SH3BGRL2: variants seen among roughly 807,000 people sequenced by gnomAD.
SH3BGRL2 encodes the protein SH3 domain binding glutamate rich protein like 2, also known as SH3 domain-binding glutamic acid-rich-like protein 2.
A neutral mutation model predicts 14.8 loss-of-function variants in SH3BGRL2; 21 were observed. The observed-to-expected ratio is 1.42, with a 90% confidence interval of 1.01 to 2.05. The LOEUF (loss-of-function observed/expected upper bound fraction) is 2.05, where lower values mean the gene tolerates loss of function less well. SH3BGRL2 is among the 30% of genes most tolerant of loss of function. The probability of loss-of-function intolerance (pLI) is 0.00; values close to 1 mark genes in which losing one functional copy is unlikely to be tolerated. For synonymous variants in SH3BGRL2, 50 were observed against 47.8 expected (o/e 1.05, Z -0.19); for missense variants, 147 against 130.8 (o/e 1.12, Z -0.61).
At chr6:79,670,417 A>G (rs1769749578) in intron 1 of SH3BGRL2, among the ~76,000 whole-genome samples, 1 of 152,204 alleles carries the variant, frequency 6.6e-6, no homozygotes, top group Non-Finnish European at 1.5e-5. Context: ...TAGCTCCAAC[A>G]TGTTGGTTGT....
the SH3BGRL2 span, among the ~76,000 whole-genome samples, chr6:79,616,563 G>A: frequency 7.2e-5 from 11 of 151,968 alleles, no homozygotes; most frequent in South Asian, 1.9e-3. Flanking sequence ...AGGAAGATAC[G>A]TCTCAGAGAT....
chr6:79,589,693 A>G, the SH3BGRL2 span, among the ~76,000 whole-genome samples: 1 of 152,196 alleles, frequency 6.6e-6, no homozygotes, highest in Admixed American at 6.5e-5. Flanking sequence ...TTCCATAATT[A>G]TGGAAAGCAT....
At chr6:79,632,720 G>A (rs1009739836) in intron 1 of SH3BGRL2, among the ~76,000 whole-genome samples, 4 of 152,120 alleles carry the variant, frequency 2.6e-5, no homozygotes, top group Admixed American at 6.5e-5. Context: ...AGTCATGTTG[G>A]GGTCCTCAGA....
At chr6:79,565,656 C>A in the SH3BGRL2 span, among the ~76,000 whole-genome samples, 2 of 152,192 alleles carry the variant, frequency 1.3e-5, no homozygotes, top group African/African-American at 4.8e-5. Context: ...CCAGTCCCAA[C>A]ACATTGAATG....
chr6:79,573,603 C>T, the SH3BGRL2 span, among the ~76,000 whole-genome samples: 5 of 152,138 alleles, frequency 3.3e-5, no homozygotes, highest in East Asian at 1.9e-4. Context: ...TCTTTATGTT[C>T]CGAGTATTTG....
the SH3BGRL2 span, among the ~76,000 whole-genome samples, chr6:79,587,664 A>G: frequency 6.6e-6 from 1 of 152,304 alleles, no homozygotes; most frequent in East Asian, 1.9e-4. Context: ...ACTTTCTTCT[A>G]CCCTCTTAAG....
At chr6:79,650,649 CAA>C (rs1332460391) in intron 1 of SH3BGRL2, among the ~76,000 whole-genome samples, 1 of 151,984 alleles carries the variant, frequency 6.6e-6, no homozygotes, top group Non-Finnish European at 1.5e-5. Context: ...AAGGGGGAGA[CAA>C]GAGTGAGAAC....
At chr6:79,608,119 T>G in the SH3BGRL2 span, among the ~76,000 whole-genome samples, 1 of 152,090 alleles carries the variant, frequency 6.6e-6, no homozygotes, top group Admixed American at 6.6e-5. Flanking sequence ...AGTGCTACAC[T>G]TTTAAACAGG....
At chr6:79,581,398 C>T in the SH3BGRL2 span, among the ~76,000 whole-genome samples, 1 of 152,182 alleles carries the variant, frequency 6.6e-6, no homozygotes, top group African/African-American at 2.4e-5. Context: ...CAATAAAATA[C>T]TGGCAAACCA....
At chr6:79,664,132 G>A (rs1582726523) in intron 1 of SH3BGRL2, among the ~76,000 whole-genome samples, 2 of 152,206 alleles carry the variant, frequency 1.3e-5, no homozygotes, top group South Asian at 4.1e-4. Context: ...CAGGTGAGGT[G>A]ACGTCCCACC....
chr6:79,596,261 C>G, the SH3BGRL2 span, among the ~76,000 whole-genome samples: 1 of 152,204 alleles, frequency 6.6e-6, no homozygotes, highest in South Asian at 2.1e-4. Flanking sequence ...TGGGCTCAAA[C>G]GATCCTCCCA....
chr6:79,669,153 C>T lies in SH3BGRL2; in HGVS notation c.46-4461C>T, dbSNP rs143599146. Among the ~76,000 whole-genome samples, 7 of 152,236 alleles carry T rather than the reference C, an allele frequency of 4.6e-5. No homozygotes were observed. In the East Asian group the frequency reaches 1.4e-3, roughly 29 times the overall value. On this transcript the variant is annotated intron_variant, in intron 1 of 3. Transcript: ENST00000369838. ...ATTGAGGGCCTCCTGCACGCTGGTCCTTCTGCTTCCAGAATTGACATTGTA... is the reference window on the plus strand; with the variant it reads ...ATTGAGGGCCTCCTGCACGCTGGTCTTTCTGCTTCCAGAATTGACATTGTA...
chr6:79,613,093 G>A, the SH3BGRL2 span, among the ~76,000 whole-genome samples: 6 of 152,276 alleles, frequency 3.9e-5, no homozygotes, highest in African/African-American at 1.4e-4. Flanking sequence ...CCTGAGGATA[G>A]GTGTGGGACA....
At chr6:79,540,991 G>T in the SH3BGRL2 span, among the ~76,000 whole-genome samples, 2 of 152,122 alleles carry the variant, frequency 1.3e-5, no homozygotes, top group African/African-American at 4.8e-5. Flanking sequence ...GGTGGCTCAT[G>T]CCTGTAATCC....
upstream of SH3BGRL2, chr6:79,631,164 C>G (rs1433726290): frequency 3.0e-6 from 1 of 334,210 alleles, no homozygotes; most frequent in Non-Finnish European, 5.4e-6. Context: ...GGGATAGAAG[C>G]GCGGTCAGGA....
At chr6:79,553,149 A>C in the SH3BGRL2 span, 2 of 152,256 alleles carry the variant, frequency 1.3e-5, no homozygotes, top group Non-Finnish European at 2.9e-5. Flanking sequence ...CAAATGCAGA[A>C]AGAAAACACA....
the SH3BGRL2 span, among the ~76,000 whole-genome samples, chr6:79,620,072 T>C: frequency 6.6e-6 from 1 of 152,206 alleles, no homozygotes; most frequent in Admixed American, 6.5e-5. Flanking sequence ...CCAAAGGTCA[T>C]AGCACACATA....
chr6:79,657,212 A>T (rs1400577397), intron 1 of SH3BGRL2, among the ~76,000 whole-genome samples: 2 of 152,106 alleles, frequency 1.3e-5, no homozygotes, highest in African/African-American at 4.8e-5. Flanking sequence ...CTGAAAAGGC[A>T]GTGATATACG....
At chr6:79,660,072 A>G (rs9352752) in intron 1 of SH3BGRL2, among the ~76,000 whole-genome samples, 11,099 of 152,244 alleles carry the variant, frequency 0.073, 675 homozygotes, top group East Asian at 0.22. Flanking sequence ...ATATACAATC[A>G]TGCCGTCTGC....
Sources: gnomAD v4.1 joint callset for allele counts (sites outside exome capture counted in the v4.1 genomes callset) on GRCh38, gnomAD v4.1.1 for gene constraint, MANE v1.5 for transcripts, NCBI Gene and HGNC (gene_info 2026-07-23, HGNC 2026-07-21) for gene names.